CSMD3: variants seen among roughly 807,000 people sequenced by gnomAD.
CSMD3 encodes the protein CUB and sushi domain-containing protein 3.
A neutral mutation model predicts 435.2 loss-of-function variants in CSMD3; 177 were observed. The observed-to-expected ratio is 0.41, with a 90% CI of 0.36 to 0.46. The LOEUF is 0.46. Ranked by LOEUF, CSMD3 falls within the 20% of genes least tolerant of loss-of-function variation. The probability of loss-of-function intolerance (pLI) is 0.34; values close to 1 mark genes in which losing one functional copy is unlikely to be tolerated. For missense variants in CSMD3, 4,265 were observed against 4,504.6 expected, an observed-to-expected ratio of 0.95 and a Z score of 1.52; for synonymous variants, 1,656 against 1,520.5, an observed-to-expected ratio of 1.09 and a Z score of -2.07.
chr8:112,529,372 G>A (rs563980148), intron 27 of CSMD3, among the ~76,000 whole-genome samples: 4 of 152,146 alleles, frequency 2.6e-5, no homozygotes, highest in Admixed American at 6.5e-5. Flanking sequence ...TTGAAAGGCC[G>A]AGTTCAGGAG....
chr8:112,813,899 C>T (rs2079297600), intron 12 of CSMD3, among the ~76,000 whole-genome samples: 1 of 152,198 alleles, frequency 6.6e-6, no homozygotes, highest in Non-Finnish European at 1.5e-5. Context: ...CATCCTGGGA[C>T]AGGAAAGGCC....
At chr8:112,952,587 T>C (rs982733943) in intron 8 of CSMD3, among the ~76,000 whole-genome samples, 1 of 151,562 alleles carries the variant, frequency 6.6e-6, no homozygotes, top group Non-Finnish European at 1.5e-5. Context: ...TGAAATGAGT[T>C]ATTAAATACT....
chr8:112,378,433 A>G (rs762047828), intron 38 of CSMD3, among the ~76,000 whole-genome samples: 1 of 152,194 alleles, frequency 6.6e-6, no homozygotes, highest in Non-Finnish European at 1.5e-5. Context: ...CCATCAATGG[A>G]TGAATGGATA....
At chr8:112,632,666 C>T (rs1227323049) in intron 22 of CSMD3, among the ~76,000 whole-genome samples, 1 of 151,896 alleles carries the variant, frequency 6.6e-6, no homozygotes, top group Non-Finnish European at 1.5e-5. Flanking sequence ...GCAAGTTTTT[C>T]CTGATTTAAA....
intron 27 of CSMD3, among the ~76,000 whole-genome samples, chr8:112,548,596 A>G (rs558215421): frequency 7.2e-5 from 11 of 152,258 alleles, no homozygotes; most frequent in South Asian, 2.1e-4. Flanking sequence ...AATGATAACC[A>G]TATCTTATAT....
intron 3 of CSMD3, among the ~76,000 whole-genome samples, chr8:113,248,484 T>TAC (rs2093301493): frequency 7.3e-6 from 1 of 137,866 alleles, no homozygotes; most frequent in African/African-American, 2.6e-5. Context: ...TATGTATATA[T>TAC]ACATATATAT....
chr8:112,782,478 A>G (rs1275525378), intron 13 of CSMD3, among the ~76,000 whole-genome samples: 5 of 152,070 alleles, frequency 3.3e-5, no homozygotes, highest in Admixed American at 1.3e-4. Context: ...TCTAAGAGTT[A>G]TTGCCTTTAA....
At chr8:112,239,492 G>A (rs1041448104) in intron 66 of CSMD3, among the ~76,000 whole-genome samples, 3 of 152,006 alleles carry the variant, frequency 2.0e-5, no homozygotes, top group Non-Finnish European at 4.4e-5. Flanking sequence ...GTCCAGAAGA[G>A]TTTTTATAAA....
chr8:112,871,052 G>A (rs974789969), intron 10 of CSMD3, among the ~76,000 whole-genome samples: 1 of 152,124 alleles, frequency 6.6e-6, no homozygotes, highest in African/African-American at 2.4e-5. Flanking sequence ...CAAGGTACAA[G>A]GTGTCCATTT....
rs762295297 is a variant in CSMD3, at chr8:112,503,891, C to T, written c.4982G>A (p.Ser1661Asn). 6.2e-7 allele frequency: 1 copy of T among 1,612,618 alleles called. No individual in the cohort carries two copies. Among genetic ancestry groups the T allele is most frequent in the Admixed American group, 1.7e-5 (1 of 59,948 alleles). ...NSPLIGSFQDSKLPERIESSS... is the reference protein window; with the variant it reads ...NSPLIGSFQDNKLPERIESSS... ...GCTTTCTATTCTCTCTGGTAACTTG[C>T]TGTCTTGAAAACTTCCAATCAGTGG... The change falls in exon 30 of 71, where the codon AGC (serine) becomes AAC (asparagine). Residue 1661 changes from serine to asparagine, a missense_variant. This residue lies in a region of CSMD3 where 3,255 missense variants were observed against 3,380.2 expected (regional missense o/e 0.96). Coordinates refer to ENST00000297405, the MANE Select transcript of CSMD3 (RefSeq NM_198123.2).
intron 36 of CSMD3, among the ~76,000 whole-genome samples, chr8:112,388,383 G>T (rs2129676473): frequency 6.6e-6 from 1 of 152,304 alleles, no homozygotes; most frequent in South Asian, 2.1e-4. Context: ...TGGGACAAGG[G>T]TGATGCTATC....
intron 1 of CSMD3, among the ~76,000 whole-genome samples, chr8:113,318,242 C>A (rs913689753): frequency 6.6e-6 from 1 of 152,052 alleles, no homozygotes; most frequent in Non-Finnish European, 1.5e-5. Context: ...ACCCTCAATC[C>A]TAATTCTGGC....
chr8:112,779,560 G>A (rs1358589885), intron 13 of CSMD3, among the ~76,000 whole-genome samples: 2 of 151,924 alleles, frequency 1.3e-5, no homozygotes, highest in East Asian at 3.9e-4. Flanking sequence ...GCCATCTTCA[G>A]CCCATCACAG....
chr8:112,451,804 C>T (rs1816314448), intron 32 of CSMD3, among the ~76,000 whole-genome samples: 1 of 152,182 alleles, frequency 6.6e-6, no homozygotes, highest in Admixed American at 6.5e-5. Context: ...TCCCAAAGTG[C>T]TGGGATTACA....
intron 13 of CSMD3, among the ~76,000 whole-genome samples, chr8:112,712,884 A>G (rs1391955607): frequency 6.6e-6 from 1 of 152,114 alleles, no homozygotes. Context: ...TTCCTTCAGG[A>G]CACCCAACTC....
chr8:112,969,161 G>T (rs1693815425), intron 7 of CSMD3, among the ~76,000 whole-genome samples: 1 of 151,758 alleles, frequency 6.6e-6, no homozygotes, highest in Non-Finnish European at 1.5e-5. Context: ...ACATAAACTG[G>T]CAATTTAATG....
At chr8:112,648,755 A>C (rs1049122188) in intron 19 of CSMD3, among the ~76,000 whole-genome samples, 1 of 152,120 alleles carries the variant, frequency 6.6e-6, no homozygotes, top group Non-Finnish European at 1.5e-5. Flanking sequence ...TATTGCCTCC[A>C]TACCTTTCTT....
intron 63 of CSMD3, 39 bp from the exon 64 acceptor site, chr8:112,247,170 C>A (rs1367376985): frequency 1.6e-6 from 2 of 1,271,064 alleles, no homozygotes; most frequent in Middle Eastern, 3.7e-4. Flanking sequence ...TATTCCCCTA[C>A]AACTTCAAAT....
intron 1 of CSMD3, chr8:113,376,869 C>G (rs1046244312): frequency 1.2e-6 from 2 of 1,610,530 alleles, no homozygotes; most frequent in Admixed American, 1.7e-5. Flanking sequence ...CCCGGATGAT[C>G]TGGAAGATGA....
Sources: gnomAD v4.1 joint callset for allele counts (sites outside exome capture counted in the v4.1 genomes callset) on GRCh38, gnomAD v4.1.1 for gene constraint, gnomAD v4.1.1 regional missense constraint, MANE v1.5 for transcripts, NCBI Gene and HGNC (gene_info 2026-07-23, HGNC 2026-07-21) for gene names.